The following PLEKHA7 variants were observed in gnomAD, a reference collection of about 807,000 sequenced individuals.
PLEKHA7 encodes the protein pleckstrin homology domain-containing family A member 7.
PLEKHA7 carries 104 observed loss-of-function variants against 170.0 expected under a neutral mutation model. The ratio of observed to expected loss-of-function variants is 0.61; its 90% CI spans 0.52 to 0.72. The LOEUF is 0.72. Ranked by LOEUF, PLEKHA7 falls within the 30% of genes least tolerant of loss-of-function variation. The probability of loss-of-function intolerance (pLI) is 0.00; values close to 1 mark genes in which losing one functional copy is unlikely to be tolerated. For missense variants in PLEKHA7, 1,615 were observed against 1,671.7 expected, an observed-to-expected ratio of 0.97 and a Z score of 0.59; for synonymous variants, 648 against 660.8, an observed-to-expected ratio of 0.98 and a Z score of 0.30.
chr11:16,969,643 C>T (rs567031236), intron 3 of PLEKHA7, among the ~76,000 whole-genome samples: 1 of 152,282 alleles, frequency 6.6e-6, no homozygotes, highest in Admixed American at 6.5e-5. Flanking sequence ...GGCCCATGTT[C>T]CAAGCAGGGG....
chr11:17,003,385 C>T (rs952981516), intron 3 of PLEKHA7, among the ~76,000 whole-genome samples: 2 of 152,184 alleles, frequency 1.3e-5, no homozygotes, highest in Non-Finnish European at 2.9e-5. Context: ...TTCAAGGGCA[C>T]CAGACTTCTG....
chr11:16,820,317 G>A (rs1211035531), intron 10 of PLEKHA7, among the ~76,000 whole-genome samples: 8 of 152,234 alleles, frequency 5.3e-5, no homozygotes, highest in African/African-American at 1.4e-4. Flanking sequence ...ATTACAAAAT[G>A]GGGATAGTAA....
intron 3 of PLEKHA7, among the ~76,000 whole-genome samples, chr11:16,902,166 T>C (rs1432695321): frequency 2.0e-5 from 3 of 152,242 alleles, no homozygotes; most frequent in Non-Finnish European, 2.9e-5. Context: ...TGTTGTAGCA[T>C]GTACCAGTAC....
At chr11:16,890,725 G>C (rs1856551843) in intron 3 of PLEKHA7, among the ~76,000 whole-genome samples, 1 of 151,874 alleles carries the variant, frequency 6.6e-6, no homozygotes, top group Non-Finnish European at 1.5e-5. Context: ...AGTTATTACT[G>C]AACCATAAAT....
chr11:16,938,432 T>C (rs1013063649), intron 3 of PLEKHA7, among the ~76,000 whole-genome samples: 3 of 152,222 alleles, frequency 2.0e-5, no homozygotes, highest in African/African-American at 7.2e-5. Flanking sequence ...CTGAAACATT[T>C]ACTGGTCTAT....
chr11:16,912,915 G>A (rs925448268), intron 3 of PLEKHA7, among the ~76,000 whole-genome samples: 5 of 152,194 alleles, frequency 3.3e-5, no homozygotes, highest in Non-Finnish European at 7.3e-5. Context: ...GACACAAGGG[G>A]CCTCTTGCTG....
chr11:16,965,287 C>T lies in PLEKHA7; in HGVS notation c.221+48702G>A, dbSNP rs569382949. Reference sequence around the variant, plus strand: ...ACAGTGAGCCAAGATCACACCACTGCGCTCTAGCCTGGATGACAGCACGAG... The same window carrying T: ...ACAGTGAGCCAAGATCACACCACTGTGCTCTAGCCTGGATGACAGCACGAG... On this transcript the variant is annotated intron_variant, in intron 3 of 26. Transcript: ENST00000531066. Among the ~76,000 whole-genome samples, 10 of 151,972 alleles carry T rather than the reference C, an allele frequency of 6.6e-5. No individual in the cohort carries two copies. In the South Asian group the frequency reaches 8.3e-4, roughly 13 times the overall value.
intron 3 of PLEKHA7, among the ~76,000 whole-genome samples, chr11:16,891,645 CACTT>C: frequency 6.6e-6 from 1 of 152,266 alleles, no homozygotes; most frequent in Non-Finnish European, 1.5e-5. Flanking sequence ...CCTTGGGACT[CACTT>C]AATAATAGTA....
At chr11:16,818,204 T>C (rs996974051) in intron 10 of PLEKHA7, among the ~76,000 whole-genome samples, 4 of 152,222 alleles carry the variant, frequency 2.6e-5, no homozygotes, top group Non-Finnish European at 5.9e-5. Flanking sequence ...CTTGCTGGCT[T>C]TGTGACCCTA....
At chr11:16,833,852 C>A (rs1489240514) in intron 9 of PLEKHA7, among the ~76,000 whole-genome samples, 3 of 152,188 alleles carry the variant, frequency 2.0e-5, no homozygotes, top group African/African-American at 7.2e-5. Flanking sequence ...TATCATCACA[C>A]AAACCCACAG....
At position 16,813,124 on chromosome 11, in the gene PLEKHA7, G is replaced by C. The variant is rs751232295; in HGVS notation, c.1996C>G (p.Leu666Val). 2 of 1,613,534 alleles carry C rather than the reference G, an allele frequency of 1.2e-6. No individual in the cohort carries two copies. The highest frequency in any genetic ancestry group is 1.3e-5 in the African/African-American group (1 of 75,038). The change falls in exon 13 of 27, where the codon CTG (leucine) becomes GTG (valine). Residue 666 changes from leucine to valine, a missense_variant. Leu to Val is a conservative substitution (Grantham distance 32). Coordinates refer to ENST00000531066, the MANE Select transcript of PLEKHA7 (RefSeq NM_001329630.2). Reference protein sequence around the residue: ...YLQLKKDLEYLDLKMTGRDLL... With the variant: ...YLQLKKDLEYVDLKMTGRDLL... ...CTGATGTCACTTACCTTTAGATCCAGGTACTCCAGGTCTTTCTTCAGCTGG... is the reference window on the plus strand; with the variant it reads ...CTGATGTCACTTACCTTTAGATCCACGTACTCCAGGTCTTTCTTCAGCTGG...
Position 16,982,749 on chromosome 11 carries a change from C to T in PLEKHA7, c.221+31240G>A, listed in dbSNP as rs1347834731. The stretch of plus-strand genomic sequence containing the variant: ...CTTTAGCTTGGGTCTACCTCTCTTA[C>T]CTCTCAGACTTCACCTCCCTCACTA... On this transcript the variant is annotated intron_variant, in intron 3 of 26. Coordinates refer to ENST00000531066, the MANE Select transcript of PLEKHA7 (RefSeq NM_001329630.2). Among the ~76,000 whole-genome samples, 3 of 148,844 alleles carry T rather than the reference C, an allele frequency of 2.0e-5. No homozygotes were observed. In the East Asian group the frequency reaches 6.0e-4, roughly 30 times the overall value.
chr11:16,965,070 T>C lies in PLEKHA7; in HGVS notation c.221+48919A>G, dbSNP rs564560528. 1.4e-4 allele frequency among the ~76,000 whole-genome samples: 21 copies of C among 150,152 alleles called. No homozygotes were observed. In the South Asian group the frequency reaches 4.4e-3, roughly 32 times the overall value. ...ATGCCTGTAATCCCAGCACTTTGGG[T>C]GGCCGAGGCAGGCAAATCACTTGAG... On this transcript the variant is annotated intron_variant, in intron 3 of 26. Coordinates refer to ENST00000531066, the MANE Select transcript of PLEKHA7 (RefSeq NM_001329630.2).
rs747335729 is a variant in PLEKHA7, at chr11:16,826,257, G to A, written c.1206C>T (p.Gly402=). ...EKNGMLPASY[G]PGEQNGTGGY... is the part of the protein sequence containing the mutation. ...CACCAGTCCCATTCTGTTCTCCTGGGCCATATGAGGCAGGCAGCATTCCAT... is the reference window on the plus strand; with the variant it reads ...CACCAGTCCCATTCTGTTCTCCTGGACCATATGAGGCAGGCAGCATTCCAT... The change falls in exon 10 of 27, where the codon GGC becomes GGT. Residue 402 remains glycine (G), a synonymous_variant. Transcript: ENST00000531066. 6.2e-7 allele frequency: 1 copy of A among 1,614,220 alleles called. No individual in the cohort carries two copies. Among genetic ancestry groups the A allele is most frequent in the Non-Finnish European group, 8.5e-7 (1 of 1,180,042 alleles).
intron 3 of PLEKHA7, among the ~76,000 whole-genome samples, chr11:16,959,356 T>G (rs1861905629): frequency 1.3e-5 from 2 of 152,132 alleles, no homozygotes; most frequent in African/African-American, 2.4e-5. Flanking sequence ...GATGGAACTG[T>G]TAAAAAAACA....
intron 3 of PLEKHA7, among the ~76,000 whole-genome samples, chr11:17,007,779 G>T (rs567183645): frequency 6.6e-6 from 1 of 152,114 alleles, no homozygotes; most frequent in South Asian, 2.1e-4. Flanking sequence ...TTACCATGTT[G>T]CCCAGGCTAG....
At chr11:16,966,780 T>G (rs1305043645) in intron 3 of PLEKHA7, among the ~76,000 whole-genome samples, 1 of 152,162 alleles carries the variant, frequency 6.6e-6, no homozygotes, top group Non-Finnish European at 1.5e-5. Flanking sequence ...CACTCCCTGC[T>G]TTATTCCTTC....
intron 26 of PLEKHA7, 131 bp from the exon 27 acceptor site, chr11:16,779,151 T>A: frequency 2.9e-6 from 2 of 682,184 alleles, no homozygotes; most frequent in Non-Finnish European, 2.7e-6. Flanking sequence ...ATGCGGCCGC[T>A]GCTGGGGGAC....
intron 10 of PLEKHA7, among the ~76,000 whole-genome samples, chr11:16,822,913 T>C (rs1160047958): frequency 1.3e-5 from 2 of 152,204 alleles, no homozygotes. Flanking sequence ...GTGATTCCAA[T>C]GTGCAGCCTA....
Sources: gnomAD v4.1 joint callset for allele counts (sites outside exome capture counted in the v4.1 genomes callset) on GRCh38, gnomAD v4.1.1 for gene constraint, MANE v1.5 for transcripts, NCBI Gene and HGNC (gene_info 2026-07-23, HGNC 2026-07-21) for gene names.